Variants in HS3ST4 observed in about 807,000 individuals in gnomAD.
The protein encoded by HS3ST4 is heparan sulfate-glucosamine 3-sulfotransferase 4.
In HS3ST4, 17 loss-of-function variants were observed where a neutral mutation model predicts 29.2. That is an observed-to-expected ratio of 0.58 (90% CI 0.40 to 0.87). The LOEUF (loss-of-function observed/expected upper bound fraction) is 0.87. Ranked by LOEUF, HS3ST4 falls within the 40% of genes least tolerant of loss-of-function variation. HS3ST4 has a pLI of 0.00. For missense variants in HS3ST4, 627 were observed against 634.5 expected (o/e 0.99, Z 0.13); for synonymous variants, 314 against 285.7 (o/e 1.10, Z -1.00).
At chr16:25,901,482 C>T (rs907147874) in intron 1 of HS3ST4, among the ~76,000 whole-genome samples, 3 of 152,128 alleles carry the variant, frequency 2.0e-5, no homozygotes, top group African/African-American at 7.2e-5. Context: ...ACCAGCCTGG[C>T]CAACATGGAG....
At position 25,970,889 on chromosome 16, in the gene HS3ST4, C is replaced by T. The variant is rs138332175; in HGVS notation, c.735-164723C>T. ...TTTTTGAGATGGAGTCTCACTCTGT[C>T]GCTCAGGCTGGAGTGCAATGGCGTG... On this transcript the variant is annotated intron_variant, in intron 1 of 1. Transcript: ENST00000331351. 6.5e-3 allele frequency among the ~76,000 whole-genome samples: 983 copies of T among 152,066 alleles called. 8 individuals are homozygous for T. The highest frequency in any genetic ancestry group is 0.023 in the African/African-American group (941 of 41,492).
intron 1 of HS3ST4, among the ~76,000 whole-genome samples, chr16:25,837,460 A>T (rs1391522222): frequency 6.6e-6 from 1 of 152,242 alleles, no homozygotes; most frequent in Admixed American, 6.5e-5. Context: ...TTTTAAAAAG[A>T]CTAGGGCATG....
intron 1 of HS3ST4, among the ~76,000 whole-genome samples, chr16:26,071,649 T>G (rs1216463389): frequency 6.6e-6 from 1 of 152,164 alleles, no homozygotes; most frequent in African/African-American, 2.4e-5. Context: ...TTAAAATACA[T>G]GCATTAGTCA....
At chr16:25,942,105 T>G (rs923848401) in intron 1 of HS3ST4, among the ~76,000 whole-genome samples, 1 of 152,160 alleles carries the variant, frequency 6.6e-6, no homozygotes. Context: ...CTCGCATCAC[T>G]TGGTCCTGGG....
At chr16:25,790,345 G>T (rs1481898708) in intron 1 of HS3ST4, among the ~76,000 whole-genome samples, 1 of 152,160 alleles carries the variant, frequency 6.6e-6, no homozygotes, top group Non-Finnish European at 1.5e-5. Context: ...GGAGGTGGAG[G>T]TTGCAGTGAG....
At chr16:25,958,643 C>G (rs975657225) in intron 1 of HS3ST4, among the ~76,000 whole-genome samples, 2 of 152,026 alleles carry the variant, frequency 1.3e-5, no homozygotes, top group Non-Finnish European at 2.9e-5. Flanking sequence ...AAAGGCTTTT[C>G]TTTGTTCTAT....
chr16:25,907,900 C>T (rs117001687), intron 1 of HS3ST4, among the ~76,000 whole-genome samples: 360 of 152,328 alleles, frequency 2.4e-3, no homozygotes, highest in Middle Eastern at 0.014. Context: ...CCTTGGCTTC[C>T]TGGGAAGATA....
chr16:25,892,234 G>A (rs891887778), intron 1 of HS3ST4, among the ~76,000 whole-genome samples: 10 of 152,170 alleles, frequency 6.6e-5, no homozygotes, highest in Non-Finnish European at 1.2e-4. Flanking sequence ...CAGAGAGAGG[G>A]CCTGTGTTTT....
chr16:26,127,054 T>A (rs1196229247), intron 1 of HS3ST4, among the ~76,000 whole-genome samples: 4 of 151,614 alleles, frequency 2.6e-5, no homozygotes, highest in African/African-American at 7.3e-5. Context: ...TGGTGATGAG[T>A]CCTCTGTCTT....
In HS3ST4 at chr16:25,905,468, G is replaced by A. The variant is rs1034674773; in HGVS notation, c.734+212317G>A. ...CTAATACCTTGTTTCTCAAAGAGTG[G>A]AGTTGGACTAGCAGCACTGGGGTTA... On this transcript the variant is annotated intron_variant, in intron 1 of 1. Transcript: ENST00000331351. 1.1e-4 allele frequency among the ~76,000 whole-genome samples: 16 copies of A among 152,264 alleles called. 1 individual carries two copies. The highest frequency in any genetic ancestry group is 7.2e-4 in the Admixed American group (11 of 15,298).
intron 1 of HS3ST4, among the ~76,000 whole-genome samples, chr16:25,749,148 A>G (rs556354531): frequency 1.3e-5 from 2 of 152,212 alleles, no homozygotes; most frequent in Non-Finnish European, 2.9e-5. Context: ...TACGCCAGGC[A>G]TTCTTATAGG....
chr16:26,108,497 A>G (rs1567313922), intron 1 of HS3ST4, among the ~76,000 whole-genome samples: 2 of 152,216 alleles, frequency 1.3e-5, no homozygotes, highest in African/African-American at 4.8e-5. Flanking sequence ...ATAAATCAAA[A>G]GGCAGAAGTG....
intron 1 of HS3ST4, among the ~76,000 whole-genome samples, chr16:25,984,282 T>G (rs1306506086): frequency 1.3e-5 from 2 of 152,152 alleles, no homozygotes; most frequent in African/African-American, 4.8e-5. Flanking sequence ...GGGGACGGTT[T>G]CGGGATGAAA....
intron 1 of HS3ST4, among the ~76,000 whole-genome samples, chr16:25,815,904 G>T (rs1967088901): frequency 6.6e-6 from 1 of 151,998 alleles, no homozygotes; most frequent in Non-Finnish European, 1.5e-5. Flanking sequence ...TATCCATTTG[G>T]CCCAATGTCC....
At chr16:26,110,927 G>C (rs1194265044) in intron 1 of HS3ST4, among the ~76,000 whole-genome samples, 1 of 152,064 alleles carries the variant, frequency 6.6e-6, no homozygotes, top group African/African-American at 2.4e-5. Flanking sequence ...TTTTAGAACA[G>C]GTTTTCCCTA....
chr16:25,762,599 C>A (rs1966794887), intron 1 of HS3ST4, among the ~76,000 whole-genome samples: 1 of 151,940 alleles, frequency 6.6e-6, no homozygotes, highest in South Asian at 2.1e-4. Flanking sequence ...ACCTGCAACC[C>A]CAGCACACCT....
chr16:25,967,628 C>T (rs77133904), intron 1 of HS3ST4, among the ~76,000 whole-genome samples: 91 of 152,238 alleles, frequency 6.0e-4, no homozygotes, highest in African/African-American at 2.1e-3. Flanking sequence ...TCTCTCTAGA[C>T]CATTTCCTAT....
chr16:25,700,023 C>T (rs993620164), intron 1 of HS3ST4, among the ~76,000 whole-genome samples: 1 of 152,144 alleles, frequency 6.6e-6, no homozygotes, highest in African/African-American at 2.4e-5. Context: ...TCAGTACTGA[C>T]GGCCCTAAAG....
chr16:25,961,212 C>T (rs910259689), intron 1 of HS3ST4, among the ~76,000 whole-genome samples: 1 of 152,150 alleles, frequency 6.6e-6, no homozygotes, highest in Non-Finnish European at 1.5e-5. Flanking sequence ...AATATGTATC[C>T]TGGGATCTGC....
Sources: allele counts gnomAD v4.1 joint callset (sites outside exome capture counted in the v4.1 genomes callset), GRCh38; gene constraint gnomAD v4.1.1; transcripts MANE v1.5; gene names NCBI Gene and HGNC (gene_info 2026-07-23, HGNC 2026-07-21).